MAU2: variants seen among roughly 807,000 people sequenced by gnomAD.
MAU2 encodes the protein MAU2 sister chromatid cohesion factor.
In MAU2, 9 loss-of-function variants were observed where a neutral mutation model predicts 89.1. The ratio of observed to expected loss-of-function variants is 0.10; its 90% CI spans 0.06 to 0.18. The LOEUF (loss-of-function observed/expected upper bound fraction) is 0.18. Ranked by LOEUF, MAU2 falls within the 10% of genes least tolerant of loss-of-function variation. MAU2 has a pLI of 1.00. For missense variants in MAU2, 425 were observed against 803.5 expected (o/e 0.53, Z 5.69); for synonymous variants, 357 against 343.4 (o/e 1.04, Z -0.44).
At chr19:19,327,301 GTATTTATTTATT>G (rs147425412) in intron 1 of MAU2, among the ~76,000 whole-genome samples, 131 of 142,376 alleles carry the variant, frequency 9.2e-4, no homozygotes, top group African/African-American at 2.0e-3. Flanking sequence ...TTTTCTACTT[GTATTTATTTATT>G]TATTTATTTA....
rs532840691 is a variant in MAU2, at chr19:19,344,678, G to A, written c.1078-171G>A. 123 of 634,430 alleles carry A rather than the reference G, an allele frequency of 1.9e-4. 1 individual carries two copies. The highest frequency in any genetic ancestry group is 4.1e-4 in the Middle Eastern group (1 of 2,418). The allele number at this position is 634,430 out of a possible 1,614,324, so 39.3% of individuals were successfully genotyped here. A position where few individuals can be genotyped will look rare whatever the true frequency, so the allele number is the denominator to read the frequency against. On this transcript the variant is annotated intron_variant, in intron 10 of 18. Coordinates refer to ENST00000262815, the MANE Select transcript of MAU2 (RefSeq NM_015329.4). ...AGACAAGGGTCCCTGTCCACGATGGGATCTGGGCTGCCCTTTGCCCTCATG... is the reference window on the plus strand; with the variant it reads ...AGACAAGGGTCCCTGTCCACGATGGAATCTGGGCTGCCCTTTGCCCTCATG...
chr19:19,342,500 G>A (rs1568660841), intron 7 of MAU2, 35 bp from the exon 8 acceptor site: 2 of 1,527,978 alleles, frequency 1.3e-6, no homozygotes, highest in Non-Finnish European at 8.8e-7. Context: ...GAGAGGCCAG[G>A]CTCAGGTGGA....
At chr19:19,350,637 A>T (rs1599925427) in intron 16 of MAU2, among the ~76,000 whole-genome samples, 1 of 150,464 alleles carries the variant, frequency 6.6e-6, no homozygotes, top group Admixed American at 6.6e-5. Flanking sequence ...ATGGTGGCTC[A>T]CGCCTGTAAT....
chr19:19,322,982 CCGGG>C (rs1316922579), intron 1 of MAU2, among the ~76,000 whole-genome samples: 1 of 151,946 alleles, frequency 6.6e-6, no homozygotes, highest in Non-Finnish European at 1.5e-5. Context: ...CCTCCGTCTC[CCGGG>C]TTCAAGTGAT....
At chr19:19,323,217 A>G (rs2061476552) in intron 1 of MAU2, among the ~76,000 whole-genome samples, 1 of 143,980 alleles carries the variant, frequency 6.9e-6, no homozygotes, top group African/African-American at 2.6e-5. Flanking sequence ...TTTTTTTGAG[A>G]CAGATTCTCG....
intron 7 of MAU2, among the ~76,000 whole-genome samples, chr19:19,341,764 C>T (rs1227540322): frequency 6.6e-6 from 1 of 152,200 alleles, no homozygotes; most frequent in Admixed American, 6.5e-5. Flanking sequence ...TGCCCAGGTG[C>T]TGTCTGTCTG....
At chr19:19,344,693 T>A in intron 10 of MAU2, 156 bp from the exon 11 acceptor site, 2 of 650,018 alleles carry the variant, frequency 3.1e-6, no homozygotes, top group Non-Finnish European at 5.6e-6. Context: ...GGGCTGCCCT[T>A]TGCCCTCATG....
In MAU2 at chr19:19,337,153, T is replaced by C; in HGVS notation, c.361-17T>C. 6.3e-7 allele frequency: 1 copy of C among 1,581,416 alleles called. No individual in the cohort carries two copies. The highest frequency in any genetic ancestry group is 8.7e-7 in the Non-Finnish European group (1 of 1,153,768). The stretch of plus-strand genomic sequence containing the variant: ...TTTTTTTTTCTTACATTCCCAAACG[T>C]GACTATTTCCTTTCAGAATTCCGTT... On this transcript the variant is annotated splice_polypyrimidine_tract_variant and intron_variant, in intron 3 of 18. Transcript: ENST00000262815.
intron 1 of MAU2, among the ~76,000 whole-genome samples, chr19:19,322,380 C>G (rs1371697724): frequency 1.3e-5 from 2 of 152,180 alleles, no homozygotes; most frequent in Non-Finnish European, 2.9e-5. Context: ...AGACAGATTA[C>G]TAGACCCCAG....
Position 19,349,177 on chromosome 19 carries a change from G to T in MAU2, c.1381G>T (p.Ala461Ser), listed in dbSNP as rs1037862665. 4 of 1,614,018 alleles carry T rather than the reference G, an allele frequency of 2.5e-6. No homozygotes were observed. The African/African-American group carries it at 5.3e-5, about 22-fold the overall frequency. The change falls in exon 15 of 19, where the codon GCC becomes TCC. Residue 461 changes from alanine (A) to serine (S), a missense_variant. Physicochemically the swap from Ala to Ser is moderately conservative, Grantham distance 99. Around this residue, in one of 11 missense-constraint regions of MAU2, gnomAD observed 66 missense variants for 129.1 expected, o/e 0.51. Coordinates refer to ENST00000262815, the MANE Select transcript of MAU2 (RefSeq NM_015329.4). ...PVSSHCLRAA[A>S]FYVRGLFSFF... ...CAGCTCGCACTGCCTCCGAGCAGCC[G>T]CCTTCTATGTGCGTGGGCTCTTCTC...
At chr19:19,354,232 A>G in intron 16 of MAU2, 123 bp from the exon 17 acceptor site, 2 of 712,942 alleles carry the variant, frequency 2.8e-6, no homozygotes. Flanking sequence ...CAGACGCAGA[A>G]GGAGGTCACA....
chr19:19,338,653 C>T (rs963042103), intron 4 of MAU2, among the ~76,000 whole-genome samples, 192 bp from the exon 5 acceptor site: 1 of 152,244 alleles, frequency 6.6e-6, no homozygotes, highest in African/African-American at 2.4e-5. Context: ...ATATATACTA[C>T]AGGCCAACTG....
chr19:19,349,254 G>C, intron 15 of MAU2, 22 bp downstream of exon 15: 1 of 1,614,146 alleles, frequency 6.2e-7, no homozygotes, highest in African/African-American at 1.3e-5. Context: ...GCAGAGGGTG[G>C]CGTGAGGGCC....
At chr19:19,349,806 G>A (rs2061726579) in intron 16 of MAU2, among the ~76,000 whole-genome samples, 3 of 152,026 alleles carry the variant, frequency 2.0e-5, no homozygotes, top group Admixed American at 6.6e-5. Context: ...CCTCTCAGCC[G>A]GACTTCCAAA....
intron 1 of MAU2, among the ~76,000 whole-genome samples, chr19:19,323,233 T>A (rs919726013): frequency 6.6e-5 from 10 of 150,858 alleles, no homozygotes; most frequent in Admixed American, 6.6e-4. Context: ...TCTCGCTTTG[T>A]CACCAGGCTG....
At position 19,320,894 on chromosome 19, in the gene MAU2, C is replaced by T; in HGVS notation, c.35C>T (p.Ala12Val). 5 of 1,496,720 alleles carry T rather than the reference C, an allele frequency of 3.3e-6. No individual in the cohort carries two copies. The highest frequency in any genetic ancestry group is 3.6e-6 in the Non-Finnish European group (4 of 1,110,162). The allele number at this position is 1,496,720 out of a possible 1,614,324, so 92.7% of individuals were successfully genotyped here. A position where few individuals can be genotyped will look rare whatever the true frequency, so the allele number is the denominator to read the frequency against. Residue 12 changes from alanine (A) to valine (V), a missense_variant, in exon 1 of 19, where the codon GCG becomes GTG. Physicochemically the swap from Ala to Val is moderately conservative, Grantham distance 64. Transcript: ENST00000262815. ...CAGGCGGCGGCAGCGGCCCAGGCGG[C>T]GGCGGCCCAGGCTGCGCAGGCCGAG... ...AAQAAAAAQAAAAQAAQAEAA... is the reference protein window; with the variant it reads ...AAQAAAAAQAVAAQAAQAEAA...
chr19:19,348,996 G>A, intron 14 of MAU2, 58 bp downstream of exon 14: 1 of 1,595,574 alleles, frequency 6.3e-7, no homozygotes, highest in Non-Finnish European at 8.5e-7. Context: ...CTCTTTGGTT[G>A]GGGCCCCTGA....
At chr19:19,329,290 G>C (rs1201965355) in intron 1 of MAU2, among the ~76,000 whole-genome samples, 1 of 152,100 alleles carries the variant, frequency 6.6e-6, no homozygotes, top group Non-Finnish European at 1.5e-5. Context: ...GCTTCCTCCT[G>C]TTTTTGTTTC....
At chr19:19,349,567 A>T in intron 16 of MAU2, 131 bp downstream of exon 16, 1 of 764,246 alleles carries the variant, frequency 1.3e-6, no homozygotes, top group Admixed American at 2.3e-5. Flanking sequence ...GTCTAGGTGG[A>T]TGCCCTGACT....
Sources: gnomAD v4.1 joint callset for allele counts (sites outside exome capture counted in the v4.1 genomes callset) on GRCh38, gnomAD v4.1.1 for gene constraint, gnomAD v4.1.1 regional missense constraint, MANE v1.5 for transcripts, NCBI Gene and HGNC (gene_info 2026-07-23, HGNC 2026-07-21) for gene names.